The following SUMF1 variants were observed in gnomAD, a reference collection of about 807,000 sequenced individuals.
The protein encoded by SUMF1 is formylglycine-generating enzyme.
A neutral mutation model predicts 47.6 loss-of-function variants in SUMF1; 48 were observed. The ratio of observed to expected loss-of-function variants is 1.01; its 90% CI spans 0.80 to 1.28. The LOEUF (loss-of-function observed/expected upper bound fraction) is 1.28, where lower values mean the gene tolerates loss of function less well. Ranked by LOEUF, SUMF1 falls within the 50% of genes most tolerant of loss-of-function variation. The pLI, the probability that SUMF1 is intolerant of heterozygous loss-of-function variation, is 0.00. For synonymous variants in SUMF1, 230 were observed against 192.1 expected (o/e 1.20, Z -1.63); for missense variants, 571 against 485.4 (o/e 1.18, Z -1.66).
chr3:4,231,864 G>A (rs960290121), intron 8 of SUMF1, among the ~76,000 whole-genome samples: 4 of 152,240 alleles, frequency 2.6e-5, no homozygotes, highest in African/African-American at 9.6e-5. Context: ...ATCACATAAA[G>A]AATGTATCAA....
intron 9 of SUMF1, among the ~76,000 whole-genome samples, chr3:4,037,096 C>T (rs1364535109): frequency 6.6e-6 from 1 of 152,110 alleles, no homozygotes; most frequent in African/African-American, 2.4e-5. Context: ...TAGACTACAC[C>T]ACAGAAATAT....
intron 8 of SUMF1, among the ~76,000 whole-genome samples, chr3:4,107,294 G>C (rs1330484345): frequency 6.6e-6 from 1 of 152,166 alleles, no homozygotes; most frequent in Non-Finnish European, 1.5e-5. Flanking sequence ...TGTGCACAGA[G>C]TTAACCTTAG....
intron 8 of SUMF1, among the ~76,000 whole-genome samples, chr3:4,129,033 T>C (rs1256196338): frequency 6.6e-6 from 1 of 151,932 alleles, no homozygotes; most frequent in African/African-American, 2.4e-5. Flanking sequence ...GATGGTGGAG[T>C]GGATTAGTCA....
intron 8 of SUMF1, among the ~76,000 whole-genome samples, chr3:4,115,573 TATG>T (rs61232516): frequency 0.5 from 75,176 of 151,546 alleles, 19,165 homozygotes; most frequent in African/African-American, 0.6. Context: ...GACCTGCCAG[TATG>T]ATGCATGTTC....
intron 9 of SUMF1, among the ~76,000 whole-genome samples, chr3:4,058,501 C>CCAGG (rs1422769911): frequency 6.6e-6 from 1 of 151,638 alleles, no homozygotes; most frequent in Non-Finnish European, 1.5e-5. Flanking sequence ...GATTAAGGGA[C>CCAGG]CAGGGACTGG....
chr3:4,380,257 T>C (rs559967866), intron 7 of SUMF1, among the ~76,000 whole-genome samples: 123 of 152,344 alleles, frequency 8.1e-4, no homozygotes, highest in Non-Finnish European at 1.3e-3. Context: ...GAATGACTCA[T>C]GTCCTTTGCA....
At chr3:4,178,605 G>A (rs1695022519) in intron 8 of SUMF1, among the ~76,000 whole-genome samples, 1 of 152,148 alleles carries the variant, frequency 6.6e-6, no homozygotes, top group Non-Finnish European at 1.5e-5. Flanking sequence ...GCAAAAACTG[G>A]AAGCATTCCC....
chr3:4,094,181 A>G (rs1692849673), intron 8 of SUMF1, among the ~76,000 whole-genome samples: 1 of 151,942 alleles, frequency 6.6e-6, no homozygotes, highest in Non-Finnish European at 1.5e-5. Context: ...TTTGCTTTAA[A>G]AGGGAAAAGA....
At chr3:4,319,842 G>A (rs1478349315) in intron 8 of SUMF1, among the ~76,000 whole-genome samples, 2 of 152,178 alleles carry the variant, frequency 1.3e-5, no homozygotes, top group Non-Finnish European at 2.9e-5. Context: ...GAGCTATCGA[G>A]CCACAGAAAG....
intron 5 of SUMF1, 76 bp downstream of exon 5, chr3:4,417,934 C>G: frequency 6.2e-7 from 1 of 1,608,960 alleles, no homozygotes; most frequent in Non-Finnish European, 8.5e-7. Flanking sequence ...AAAGTAAGTT[C>G]CATGGAGTTT....
intron 5 of SUMF1, among the ~76,000 whole-genome samples, chr3:4,417,471 G>A (rs1439302545): frequency 6.6e-6 from 1 of 152,194 alleles, no homozygotes; most frequent in Non-Finnish European, 1.5e-5. Flanking sequence ...TACTCAGGAG[G>A]CCTGAAATAA....
intron 8 of SUMF1, among the ~76,000 whole-genome samples, chr3:4,123,928 G>T (rs1190066642): frequency 1.3e-5 from 2 of 152,104 alleles, no homozygotes; most frequent in African/African-American, 2.4e-5. Context: ...CCGTGTGAGT[G>T]TTTATGTCTC....
chr3:4,066,831 A>G (rs565828166), intron 9 of SUMF1, among the ~76,000 whole-genome samples: 3 of 152,296 alleles, frequency 2.0e-5, no homozygotes, highest in South Asian at 2.1e-4. Flanking sequence ...TGGCATTTCC[A>G]TAACAGTTCC....
At chr3:4,339,747 T>G (rs1559232664) in intron 8 of SUMF1, among the ~76,000 whole-genome samples, 1 of 152,118 alleles carries the variant, frequency 6.6e-6, no homozygotes, top group Non-Finnish European at 1.5e-5. Context: ...TATTCCCACA[T>G]TTTTGCACCC....
chr3:4,138,256 A>G (rs1693991216), intron 8 of SUMF1, among the ~76,000 whole-genome samples: 1 of 152,046 alleles, frequency 6.6e-6, no homozygotes, highest in Non-Finnish European at 1.5e-5. Flanking sequence ...ATCCTATCGA[A>G]CTCTGTATAG....
At chr3:4,404,748 G>T (rs990514347) in intron 7 of SUMF1, among the ~76,000 whole-genome samples, 3 of 152,084 alleles carry the variant, frequency 2.0e-5, no homozygotes, top group African/African-American at 7.2e-5. Flanking sequence ...TGGGCAACAA[G>T]AACGAAACTC....
intron 8 of SUMF1, among the ~76,000 whole-genome samples, chr3:4,172,665 T>C (rs985165100): frequency 1.3e-5 from 2 of 150,656 alleles, no homozygotes; most frequent in Non-Finnish European, 3.0e-5. Flanking sequence ...GGTCTGCTTA[T>C]ATCCTTTGCC....
chr3:4,070,327 T>C (rs2125035453), intron 8 of SUMF1, among the ~76,000 whole-genome samples: 1 of 152,290 alleles, frequency 6.6e-6, no homozygotes, highest in East Asian at 1.9e-4. Flanking sequence ...TCACTCAAAT[T>C]TGGCTCAGAA....
intron 9 of SUMF1, among the ~76,000 whole-genome samples, chr3:4,039,569 T>C (rs1694871129): frequency 6.8e-6 from 1 of 146,564 alleles, no homozygotes; most frequent in Non-Finnish European, 1.5e-5. Context: ...TTTTTATGGC[T>C]GCATAGTATT....
Sources: allele counts gnomAD v4.1 joint callset (sites outside exome capture counted in the v4.1 genomes callset), GRCh38; gene constraint gnomAD v4.1.1; transcripts MANE v1.5; gene names NCBI Gene and HGNC (gene_info 2026-07-23, HGNC 2026-07-21).